Variants in PALM2AKAP2 observed in about 807,000 individuals in gnomAD.
PALM2AKAP2 encodes the protein PALM2 and AKAP2 fusion.
Under a neutral mutation model 71.5 loss-of-function variants are expected in PALM2AKAP2, and 37 were observed. The observed-to-expected ratio is 0.52, with a 90% CI of 0.40 to 0.68. The LOEUF is 0.68. PALM2AKAP2 is among the 30% of genes least tolerant of loss of function. The pLI is 0.00. For missense variants in PALM2AKAP2, 1,224 were observed against 1,191.8 expected, an observed-to-expected ratio of 1.03 and a Z score of -0.40; for synonymous variants, 468 against 478.8, an observed-to-expected ratio of 0.98 and a Z score of 0.29.
chr9:110,078,183 G>A (rs997782763), intron 1 of PALM2AKAP2, among the ~76,000 whole-genome samples: 4 of 152,126 alleles, frequency 2.6e-5, no homozygotes, highest in East Asian at 1.9e-4. Flanking sequence ...TAGAACCAGC[G>A]GCGACCAGAT....
At chr9:109,941,563 T>C (rs1831368228) in intron 6 of PALM2AKAP2, among the ~76,000 whole-genome samples, 1 of 152,164 alleles carries the variant, frequency 6.6e-6, no homozygotes, top group Non-Finnish European at 1.5e-5. Context: ...TAGAAGAAGC[T>C]GGAGTCAGTT....
At position 109,675,880 on chromosome 9, in the gene PALM2AKAP2, T is replaced by A. The variant is rs1318204847; in HGVS notation, c.5+35014T>A. Among the ~76,000 whole-genome samples the A allele has an allele frequency of 2.6e-5, 4 of 152,152 alleles. No homozygotes were observed. In the East Asian group the frequency reaches 7.7e-4, roughly 29 times the overall value. On this transcript the variant is annotated intron_variant, in intron 1 of 6. Coordinates refer to the PALM2AKAP2 transcript ENST00000374531. ...TGTCCCCCTTTGATGACTGTTTACCTTTACCACATTTATAGAAATTTTTCA... is the reference window on the plus strand; with the variant it reads ...TGTCCCCCTTTGATGACTGTTTACCATTACCACATTTATAGAAATTTTTCA...
chr9:109,833,181 C>A (rs1415591476), intron 1 of PALM2AKAP2, among the ~76,000 whole-genome samples: 1 of 152,056 alleles, frequency 6.6e-6, no homozygotes, highest in Admixed American at 6.6e-5. Context: ...ATGGTGAAAC[C>A]CTGTCTCTAC....
chr9:109,764,240 G>A (rs1418810200), intron 1 of PALM2AKAP2, among the ~76,000 whole-genome samples: 1 of 152,004 alleles, frequency 6.6e-6, no homozygotes, highest in Non-Finnish European at 1.5e-5. Context: ...CACCTGCAGG[G>A]GAACATCTGA....
chr9:110,018,942 G>A (rs566111466), intron 7 of PALM2AKAP2, among the ~76,000 whole-genome samples: 68 of 152,080 alleles, frequency 4.5e-4, no homozygotes, highest in African/African-American at 1.5e-3. Context: ...TTAAAACCGC[G>A]ATGAGATACC....
chr9:110,083,696 A>T (rs558342566), intron 1 of PALM2AKAP2, among the ~76,000 whole-genome samples: 1 of 152,248 alleles, frequency 6.6e-6, no homozygotes, highest in Non-Finnish European at 1.5e-5. Flanking sequence ...AAAATAGATC[A>T]CATACAAAGA....
At chr9:110,093,594 A>C (rs181590477) in intron 1 of PALM2AKAP2, among the ~76,000 whole-genome samples, 9 of 152,288 alleles carry the variant, frequency 5.9e-5, no homozygotes, top group African/African-American at 2.2e-4. Context: ...AGCTACTCTA[A>C]TCATGTGAAG....
intron 1 of PALM2AKAP2, among the ~76,000 whole-genome samples, chr9:109,774,757 G>C (rs1005212477): frequency 1.3e-5 from 2 of 152,064 alleles, no homozygotes; most frequent in Non-Finnish European, 2.9e-5. Flanking sequence ...TGATTGGGTT[G>C]AGTGATCAAG....
intron 1 of PALM2AKAP2, among the ~76,000 whole-genome samples, chr9:109,690,052 C>T (rs1321658195): frequency 6.6e-6 from 1 of 151,170 alleles, no homozygotes; most frequent in Non-Finnish European, 1.5e-5. Context: ...AACCCCTAAA[C>T]CTGTGCTTAT....
intron 6 of PALM2AKAP2, among the ~76,000 whole-genome samples, chr9:109,979,689 G>T (rs1305822346): frequency 1.3e-5 from 2 of 152,126 alleles, no homozygotes; most frequent in Admixed American, 1.3e-4. Flanking sequence ...AACTAATCAA[G>T]GAACCATCTC....
intron 1 of PALM2AKAP2, among the ~76,000 whole-genome samples, chr9:109,816,246 C>T (rs955454413): frequency 2.0e-5 from 3 of 152,132 alleles, no homozygotes; most frequent in Non-Finnish European, 4.4e-5. Context: ...GGATTTTTGC[C>T]AGATACCTGG....
At chr9:109,790,040 G>A (rs150002260) in intron 1 of PALM2AKAP2, among the ~76,000 whole-genome samples, 1 of 152,100 alleles carries the variant, frequency 6.6e-6, no homozygotes, top group Non-Finnish European at 1.5e-5. Flanking sequence ...TTAGCTAGAA[G>A]AAAAGAATAG....
intron 6 of PALM2AKAP2, among the ~76,000 whole-genome samples, chr9:109,986,489 A>G (rs1207419956): frequency 2.0e-5 from 3 of 152,184 alleles, no homozygotes; most frequent in Admixed American, 6.5e-5. Context: ...CTTTATGTCC[A>G]GTTCTTCCTT....
intron 1 of PALM2AKAP2, among the ~76,000 whole-genome samples, chr9:109,792,479 A>G (rs1311960180): frequency 1.3e-5 from 2 of 152,150 alleles, no homozygotes; most frequent in African/African-American, 2.4e-5. Context: ...ACATGCGTAG[A>G]TTTGTGCAAT....
chr9:109,817,426 A>T (rs1827881990), intron 1 of PALM2AKAP2, among the ~76,000 whole-genome samples: 2 of 152,238 alleles, frequency 1.3e-5, no homozygotes, highest in South Asian at 4.1e-4. Context: ...AATCTAAAAA[A>T]TTCAAACCCC....
At chr9:110,070,261 G>A in intron 1 of PALM2AKAP2, among the ~76,000 whole-genome samples, 1 of 152,222 alleles carries the variant, frequency 6.6e-6, no homozygotes, top group African/African-American at 2.4e-5. Context: ...AATGGTTCAA[G>A]GTCACATGCT....
At chr9:109,671,924 T>C (rs1034837039) in intron 1 of PALM2AKAP2, among the ~76,000 whole-genome samples, 4 of 152,194 alleles carry the variant, frequency 2.6e-5, no homozygotes, top group African/African-American at 9.7e-5. Context: ...ATAAAACTGC[T>C]AGTGATTTTT....
chr9:109,688,353 A>G (rs139665628), intron 1 of PALM2AKAP2, among the ~76,000 whole-genome samples: 178 of 152,358 alleles, frequency 1.2e-3, no homozygotes, highest in African/African-American at 4.0e-3. Context: ...TTGTAAACCC[A>G]TACTGGTCTG....
rs572847625 is a variant in PALM2AKAP2, at chr9:109,813,470, G to C, written c.45+32937G>C. ...GTTAATAAATGCTTGGCTTTTTGCT[G>C]AAGCTGCCGCTTTTTAATGTCTAAC... On this transcript the variant is annotated intron_variant, in intron 1 of 9. Transcript: ENST00000302798. Among the ~76,000 whole-genome samples the C allele has an allele frequency of 1.5e-3, 227 of 152,246 alleles. 1 individual carries two copies. The highest frequency in any genetic ancestry group is 5.0e-3 in the African/African-American group (206 of 41,548).
Sources: gnomAD v4.1 joint callset for allele counts (sites outside exome capture counted in the v4.1 genomes callset) on GRCh38, gnomAD v4.1.1 for gene constraint, MANE v1.5 for transcripts, NCBI Gene and HGNC (gene_info 2026-07-23, HGNC 2026-07-21) for gene names.